Variants in ATF2 observed in about 807,000 individuals in gnomAD.
ATF2 encodes activating transcription factor 2.
In ATF2, 24 loss-of-function variants were observed where a neutral mutation model predicts 60.6. That is an observed-to-expected ratio of 0.40 (90% CI 0.29 to 0.56). The LOEUF is 0.56. Ranked by LOEUF, ATF2 falls within the 20% of genes least tolerant of loss-of-function variation. ATF2 has a pLI of 0.54. For synonymous variants in ATF2, 206 were observed against 215.4 expected (o/e 0.96, Z 0.38); for missense variants, 433 against 607.7 (o/e 0.71, Z 3.02).
chr2:175,102,533 A>T (rs1695378895), intron 10 of ATF2, among the ~76,000 whole-genome samples: 1 of 152,152 alleles, frequency 6.6e-6, no homozygotes, highest in South Asian at 2.1e-4. Flanking sequence ...GCACTTTGGG[A>T]GGCCAAGGCA....
intron 10 of ATF2, among the ~76,000 whole-genome samples, chr2:175,098,808 T>G (rs557059366): frequency 2.7e-4 from 41 of 152,200 alleles, no homozygotes; most frequent in African/African-American, 9.2e-4. Context: ...TATAACTATT[T>G]CAAAACTTGT....
chr2:175,127,297 T>C (rs1328312314), intron 4 of ATF2: 1 of 154,650 alleles, frequency 6.5e-6, no homozygotes, highest in Non-Finnish European at 1.5e-5. Flanking sequence ...GTAAATTTGG[T>C]TGGTGAAACC....
chr2:175,128,487 C>T (rs1188480879), intron 4 of ATF2, among the ~76,000 whole-genome samples: 3 of 148,382 alleles, frequency 2.0e-5, no homozygotes, highest in Admixed American at 6.7e-5. Flanking sequence ...GCAACAAGAG[C>T]GAAATTCCGT....
intron 2 of ATF2, among the ~76,000 whole-genome samples, chr2:175,143,477 A>G (rs548447242): frequency 4.6e-5 from 7 of 152,310 alleles, no homozygotes; most frequent in South Asian, 2.1e-4. Flanking sequence ...TCTTTGTGCA[A>G]TATCTGTAAT....
intron 11 of ATF2, 33 bp from the exon 12 acceptor site, chr2:175,093,300 T>G: frequency 6.3e-7 from 1 of 1,594,538 alleles, no homozygotes; most frequent in Non-Finnish European, 8.6e-7. Context: ...CCTGTTATAT[T>G]TGTATCTAGT....
chr2:175,150,078 A>G (rs1699206421), intron 2 of ATF2, among the ~76,000 whole-genome samples: 1 of 152,236 alleles, frequency 6.6e-6, no homozygotes, highest in Admixed American at 6.5e-5. Flanking sequence ...AAGTTAGTCA[A>G]GCAGCTTAAA....
chr2:175,076,157 T>C (rs540129463), intron 13 of ATF2, among the ~76,000 whole-genome samples: 13 of 152,230 alleles, frequency 8.5e-5, no homozygotes, highest in African/African-American at 3.1e-4. Context: ...AAAATAAAAT[T>C]ATTAATTTTG....
chr2:175,103,844 A>G (rs1695467035), intron 10 of ATF2, among the ~76,000 whole-genome samples: 2 of 152,166 alleles, frequency 1.3e-5, no homozygotes, highest in Admixed American at 1.3e-4. Context: ...TACGGGCTTA[A>G]CGACAAACAA....
intron 10 of ATF2, among the ~76,000 whole-genome samples, chr2:175,100,653 C>A (rs549714694): frequency 1.3e-5 from 2 of 152,350 alleles, no homozygotes; most frequent in South Asian, 2.1e-4. Flanking sequence ...CCCTGGCATG[C>A]GTATACTGGT....
At chr2:175,097,694 CT>C in intron 10 of ATF2, 101 bp from the exon 11 acceptor site, 1 of 1,291,318 alleles carries the variant, frequency 7.7e-7, no homozygotes, top group Non-Finnish European at 1.1e-6. Flanking sequence ...TCCCTGAGTC[CT>C]TTTGCCTAGT....
At chr2:175,130,010 T>A in intron 4 of ATF2, 128 bp downstream of exon 4, 1 of 715,234 alleles carries the variant, frequency 1.4e-6, no homozygotes, top group Non-Finnish European at 2.1e-6. Context: ...TTCCTGGGTT[T>A]TTTTTCATCC....
chr2:175,159,345 TCTTTAAC>T (rs899732252), intron 1 of ATF2, among the ~76,000 whole-genome samples: 5 of 152,138 alleles, frequency 3.3e-5, no homozygotes, highest in South Asian at 4.1e-4. Context: ...TTTATATTAA[TCTTTAAC>T]CCATGATTCT....
At chr2:175,094,876 G>A (rs958350339) in intron 11 of ATF2, among the ~76,000 whole-genome samples, 1 of 152,124 alleles carries the variant, frequency 6.6e-6, no homozygotes, top group African/African-American at 2.4e-5. Flanking sequence ...CTGGGAAGTC[G>A]AGGCTGCAGT....
chr2:175,167,084 A>T (rs369369966), intron 1 of ATF2, among the ~76,000 whole-genome samples: 1 of 152,174 alleles, frequency 6.6e-6, no homozygotes, highest in East Asian at 1.9e-4. Context: ...TGATATTCAC[A>T]GTAGTTTTGC....
At chr2:175,119,536 C>T (rs558488420) in intron 5 of ATF2, among the ~76,000 whole-genome samples, 1 of 151,538 alleles carries the variant, frequency 6.6e-6, no homozygotes, top group Non-Finnish European at 1.5e-5. Context: ...AAATGACCCA[C>T]TTGTAATACA....
intron 4 of ATF2, among the ~76,000 whole-genome samples, chr2:175,129,097 T>C (rs1697551750): frequency 6.6e-6 from 1 of 152,110 alleles, no homozygotes; most frequent in Non-Finnish European, 1.5e-5. Flanking sequence ...AGTAAACCAA[T>C]ATCCATCAGA....
rs79158733 is a variant in ATF2, at chr2:175,098,939, C to T, written c.829-1346G>A. On this transcript the variant is annotated intron_variant, in intron 10 of 13. Transcript: ENST00000264110. Reference sequence around the variant, plus strand: ...AATTTCAACTGAGGCAGTAATTATGCGTGAACAAATGTTAGTGGACATTTT... The same window carrying T: ...AATTTCAACTGAGGCAGTAATTATGTGTGAACAAATGTTAGTGGACATTTT... 7.3e-4 allele frequency among the ~76,000 whole-genome samples: 111 copies of T among 152,188 alleles called. 1 individual carries two copies. The highest frequency in any genetic ancestry group is 2.0e-3 in the Admixed American group (30 of 15,296).
chr2:175,092,790 A>G (rs1036926345), intron 12 of ATF2, among the ~76,000 whole-genome samples: 25 of 152,216 alleles, frequency 1.6e-4, no homozygotes, highest in African/African-American at 4.1e-4. Flanking sequence ...TTTATATCAC[A>G]ACTTTATAAA....
At chr2:175,161,825 A>C (rs1191058816) in intron 1 of ATF2, among the ~76,000 whole-genome samples, 1 of 149,788 alleles carries the variant, frequency 6.7e-6, no homozygotes, top group Admixed American at 6.7e-5. Context: ...CACTGGCGTG[A>C]TCTTGGCTCA....
Sources: allele counts gnomAD v4.1 joint callset (sites outside exome capture counted in the v4.1 genomes callset), GRCh38; gene constraint gnomAD v4.1.1; transcripts MANE v1.5; gene names NCBI Gene and HGNC (gene_info 2026-07-23, HGNC 2026-07-21).